STK3: variants seen among roughly 807,000 people sequenced by gnomAD.
STK3 encodes the protein serine/threonine-protein kinase 3.
In STK3, 41 loss-of-function variants were observed where a neutral mutation model predicts 58.0. The observed-to-expected ratio is 0.71, with a 90% CI of 0.55 to 0.92. The LOEUF (loss-of-function observed/expected upper bound fraction) is 0.92. STK3 is among the 40% of genes least tolerant of loss of function. The probability of loss-of-function intolerance (pLI) is 0.00; values close to 1 mark genes in which losing one functional copy is unlikely to be tolerated. For missense variants in STK3, 479 were observed against 602.7 expected (o/e 0.79, Z 2.15); for synonymous variants, 170 against 191.0 (o/e 0.89, Z 0.91).
intron 6 of STK3, 22 bp downstream of exon 6, chr8:98,706,445 C>G (rs1825967280): frequency 6.3e-7 from 1 of 1,594,348 alleles, no homozygotes; most frequent in Non-Finnish European, 8.5e-7. Context: ...CTAACATTTT[C>G]AGCAAACCAT....
chr8:98,407,037 G>A (rs972790713), intron 3 of STK3, among the ~76,000 whole-genome samples: 1 of 152,150 alleles, frequency 6.6e-6, no homozygotes, highest in Non-Finnish European at 1.5e-5. Context: ...TAAGTCTTCT[G>A]GATTTAATTC....
chr8:98,674,237 A>G (rs1376183786), intron 6 of STK3, among the ~76,000 whole-genome samples: 1 of 152,190 alleles, frequency 6.6e-6, no homozygotes, highest in African/African-American at 2.4e-5. Context: ...CAAAAGGACA[A>G]CCAAAGAATT....
Position 98,408,321 on chromosome 8 carries a change from T to C in STK3, n.484-6808A>G, listed in dbSNP as rs544355804. Among the ~76,000 whole-genome samples the C allele has an allele frequency of 4.6e-5, 7 of 152,308 alleles. No individual in the cohort carries two copies. In the South Asian group the frequency reaches 1.4e-3, roughly 32 times the overall value. On this transcript the variant is annotated intron_variant and non_coding_transcript_variant, in intron 3 of 3. Coordinates refer to the STK3 transcript ENST00000517832. ...TGACAATTAAAGGATTATAATTATT[T>C]TCCACCACAACAATAATAATAAGCT...
intron 6 of STK3, among the ~76,000 whole-genome samples, chr8:98,607,438 T>C (rs972629788): frequency 7.9e-5 from 12 of 152,248 alleles, no homozygotes; most frequent in Non-Finnish European, 1.5e-4. Flanking sequence ...GTAATCATTG[T>C]ATTCTTCATT....
chr8:98,761,324 C>T (rs921888375), intron 3 of STK3, among the ~76,000 whole-genome samples: 2 of 151,872 alleles, frequency 1.3e-5, no homozygotes, highest in African/African-American at 4.8e-5. Flanking sequence ...AGAGTTTTGC[C>T]ATGTTGTTCA....
At chr8:98,422,615 C>A (rs773301605) in intron 3 of STK3, among the ~76,000 whole-genome samples, 8 of 152,184 alleles carry the variant, frequency 5.3e-5, no homozygotes, top group Non-Finnish European at 1.0e-4. Flanking sequence ...GCACAGGAAA[C>A]CGTCTGGGAG....
intron 4 of STK3, among the ~76,000 whole-genome samples, chr8:98,712,552 G>A (rs1235330454): frequency 6.6e-6 from 1 of 151,264 alleles, no homozygotes; most frequent in South Asian, 2.1e-4. Flanking sequence ...ATTACATAAT[G>A]GTAAAGGGAT....
chr8:98,429,242 G>T lies in STK3; in HGVS notation n.483+4885C>A, dbSNP rs748367691. 7 of 1,613,938 alleles carry T rather than the reference G, an allele frequency of 4.3e-6. No homozygotes were observed. In the East Asian group the frequency reaches 8.9e-5, roughly 21 times the overall value. ...TCTCCCACTTTTACCGGCGCCAAAA[G>T]CAACTTGAGAGTGCCATGCGCAGCT... On this transcript the variant is annotated intron_variant and non_coding_transcript_variant, in intron 3 of 3. Transcript: ENST00000517832.
intron 3 of STK3, among the ~76,000 whole-genome samples, chr8:98,855,617 A>T (rs539961421): frequency 6.6e-6 from 1 of 152,352 alleles, no homozygotes; most frequent in Admixed American, 6.5e-5. Flanking sequence ...CTTCTTAGAT[A>T]TGATAACAAA....
rs1161965567 is a variant in STK3, at chr8:98,933,594, G to A, written c.-79+8784C>T. On this transcript the variant is annotated intron_variant, in intron 1 of 1. Coordinates refer to the STK3 transcript ENST00000519420. Reference sequence around the variant, plus strand: ...ATCTATCCAATTCTCTCAGGCATGGGAAGCCCTTGGGGCTCATGTAAATTG... The same window carrying A: ...ATCTATCCAATTCTCTCAGGCATGGAAAGCCCTTGGGGCTCATGTAAATTG... Among the ~76,000 whole-genome samples the A allele has an allele frequency of 2.0e-5, 3 of 152,290 alleles. No individual in the cohort carries two copies. The East Asian group carries it at 5.8e-4, about 29-fold the overall frequency.
chr8:98,448,808 T>TA (rs1305002340), intron 1 of STK3, among the ~76,000 whole-genome samples: 46 of 152,348 alleles, frequency 3.0e-4, no homozygotes, highest in African/African-American at 1.1e-3. Flanking sequence ...AATTTTTGGT[T>TA]AAAATGTCAT....
intron 6 of STK3, among the ~76,000 whole-genome samples, chr8:98,638,790 G>C (rs753466398): frequency 1.3e-5 from 2 of 152,108 alleles, no homozygotes; most frequent in Non-Finnish European, 2.9e-5. Context: ...AGTATTAAGA[G>C]TTAAACATAG....
rs138979786 is a variant in STK3, at chr8:98,833,404, A to G, written c.110+50243T>C. ...CTCCAGGTAGCTGACTTCAAAGGGAATAGATGGTAAATGTCTCTTATCAGA... is the reference window on the plus strand; with the variant it reads ...CTCCAGGTAGCTGACTTCAAAGGGAGTAGATGGTAAATGTCTCTTATCAGA... On this transcript the variant is annotated intron_variant, in intron 3 of 12. Transcript: ENST00000523601. Among the ~76,000 whole-genome samples the G allele has an allele frequency of 1.8e-4, 27 of 152,314 alleles. 1 individual carries two copies. In the East Asian group the frequency reaches 3.7e-3, roughly 21 times the overall value.
intron 6 of STK3, among the ~76,000 whole-genome samples, chr8:98,666,900 C>T (rs1052472389): frequency 6.6e-6 from 1 of 152,166 alleles, no homozygotes; most frequent in East Asian, 1.9e-4. Flanking sequence ...CTTTACCTCT[C>T]TCTCACAGGA....
chr8:98,442,439 C>A (rs1055906639), intron 1 of STK3, among the ~76,000 whole-genome samples: 1 of 152,202 alleles, frequency 6.6e-6, no homozygotes, highest in Non-Finnish European at 1.5e-5. Flanking sequence ...ATGTTAGCAC[C>A]AATGGCACTT....
At chr8:98,627,428 C>T (rs570565112) in intron 6 of STK3, among the ~76,000 whole-genome samples, 22 of 149,876 alleles carry the variant, frequency 1.5e-4, no homozygotes, top group South Asian at 4.2e-4. Context: ...ACAGGAAAAT[C>T]GCTTGAACCC....
At chr8:98,900,914 G>A (rs567477710) in intron 1 of STK3, among the ~76,000 whole-genome samples, 47 of 152,068 alleles carry the variant, frequency 3.1e-4, no homozygotes, top group South Asian at 1.7e-3. Flanking sequence ...CGCCTGCCTC[G>A]GCTTCCTAAA....
At chr8:98,830,508 G>C (rs1835487047), upstream of STK3, among the ~76,000 whole-genome samples, 2 of 152,174 alleles carry the variant, frequency 1.3e-5, no homozygotes, top group Admixed American at 6.5e-5. Flanking sequence ...AATGCTTCAA[G>C]CTTCTGTTTT....
chr8:98,669,782 C>A (rs537338805), intron 6 of STK3, among the ~76,000 whole-genome samples: 1 of 152,334 alleles, frequency 6.6e-6, no homozygotes, highest in African/African-American at 2.4e-5. Flanking sequence ...TCTCCTTTCA[C>A]CTTACTTACC....
Sources: allele counts gnomAD v4.1 joint callset (sites outside exome capture counted in the v4.1 genomes callset), GRCh38; gene constraint gnomAD v4.1.1; transcripts MANE v1.5; gene names NCBI Gene and HGNC (gene_info 2026-07-23, HGNC 2026-07-21).